CABIN1: variants seen among roughly 807,000 people sequenced by gnomAD.
CABIN1 encodes the protein calcineurin binding protein 1, also known as calcineurin-binding protein cabin-1.
In CABIN1, 133 loss-of-function variants were observed where a neutral mutation model predicts 227.7. The observed-to-expected ratio is 0.58, with a 90% CI of 0.51 to 0.67. The LOEUF (loss-of-function observed/expected upper bound fraction) is 0.67, where lower values mean the gene tolerates loss of function less well. Ranked by LOEUF, CABIN1 falls within the 30% of genes least tolerant of loss-of-function variation. The pLI is 0.00. For synonymous variants in CABIN1, 1,086 were observed against 1,155.1 expected, an observed-to-expected ratio of 0.94 and a Z score of 1.21; for missense variants, 2,408 against 2,852.5, an observed-to-expected ratio of 0.84 and a Z score of 3.55.
chr22:24,065,152 C>G (rs1227892000), intron 15 of CABIN1, among the ~76,000 whole-genome samples: 30 of 151,076 alleles, frequency 2.0e-4, no homozygotes, highest in South Asian at 1.3e-3. Flanking sequence ...GGGCTGACCC[C>G]CCACCTCCCT....
chr22:24,164,601 T>A, intron 30 of CABIN1, 38 bp downstream of exon 30: 1 of 1,596,444 alleles, frequency 6.3e-7, no homozygotes, highest in East Asian at 2.2e-5. Flanking sequence ...TGGCATGCTG[T>A]GTGGGTCAGG....
At chr22:24,068,772 T>C (rs2039876053) in intron 16 of CABIN1, among the ~76,000 whole-genome samples, 1 of 152,256 alleles carries the variant, frequency 6.6e-6, no homozygotes, top group Admixed American at 6.5e-5. Context: ...TCACATCTTT[T>C]GATGTTTTCA....
chr22:24,119,407 G>A lies in CABIN1; in HGVS notation c.4341G>A (p.Arg1447=). 6.2e-7 allele frequency: 1 copy of A among 1,614,034 alleles called. No individual in the cohort carries two copies. Among genetic ancestry groups the A allele is most frequent in the Non-Finnish European group, 8.5e-7 (1 of 1,180,034 alleles). The change falls in exon 28 of 37, where the codon CGG becomes CGA. Residue 1447 remains arginine (R), a synonymous_variant. Transcript: ENST00000263119. Reference sequence around the variant, plus strand: ...CATTGGAGAGTACAGAAGGCTTCCGGGCTGCAGAGCAAGGTGTCCAGAAGC... The same window carrying A: ...CATTGGAGAGTACAGAAGGCTTCCGAGCTGCAGAGCAAGGTGTCCAGAAGC... The part of the protein sequence containing the change: ...EESLESTEGF[R]AAEQGVQKPA...
At chr22:24,062,866 T>G in intron 13 of CABIN1, 93 bp from the exon 14 acceptor site, 2 of 1,184,878 alleles carry the variant, frequency 1.7e-6, no homozygotes, top group Non-Finnish European at 2.5e-6. Flanking sequence ...GGAGATAGGG[T>G]GGGTGTGGTT....
At chr22:24,014,858 C>T (rs922426712) in intron 1 of CABIN1, among the ~76,000 whole-genome samples, 3 of 152,160 alleles carry the variant, frequency 2.0e-5, no homozygotes, top group African/African-American at 2.4e-5. Context: ...TGGATTATCT[C>T]GTGTTTCTTT....
At chr22:24,028,334 A>C (rs2036246285) in intron 1 of CABIN1, among the ~76,000 whole-genome samples, 1 of 152,184 alleles carries the variant, frequency 6.6e-6, no homozygotes, top group Non-Finnish European at 1.5e-5. Context: ...TGTCAAAAAA[A>C]CGGGGACTGT....
intron 19 of CABIN1, among the ~76,000 whole-genome samples, chr22:24,080,904 T>C (rs1485611205): frequency 6.6e-6 from 1 of 152,146 alleles, no homozygotes; most frequent in Non-Finnish European, 1.5e-5. Context: ...TTTCAATCCT[T>C]ATAGTTTTTT....
intron 23 of CABIN1, 59 bp from the exon 24 acceptor site, chr22:24,091,524 G>A: frequency 1.2e-6 from 2 of 1,611,178 alleles, no homozygotes; most frequent in Non-Finnish European, 1.7e-6. Context: ...ACAGGAAAAA[G>A]TCTGATCCCT....
chr22:24,056,430 T>C, intron 10 of CABIN1, 70 bp downstream of exon 10: 1 of 1,471,116 alleles, frequency 6.8e-7, no homozygotes, highest in Non-Finnish European at 9.5e-7. Flanking sequence ...CAGTAACATT[T>C]CTCATTCCAT....
rs1257540474 is a variant in CABIN1 at position 24,145,208 on chromosome 22, AG to A, written c.4746+10798del. Among the ~76,000 whole-genome samples the A allele has an allele frequency of 3.9e-5, 6 of 152,122 alleles. No homozygotes were observed. The East Asian group carries it at 1.2e-3, about 29-fold the overall frequency. Reference sequence around the variant, plus strand: ...GCAGTTTGGTCTTTCTCACAAAGAAAGGGGGACTGAATTGAGGAGCGTCTTC... The same window carrying A: ...GCAGTTTGGTCTTTCTCACAAAGAAAGGGGACTGAATTGAGGAGCGTCTTC... On this transcript the variant is annotated intron_variant, in intron 29 of 36. Transcript: ENST00000263119.
intron 33 of CABIN1, among the ~76,000 whole-genome samples, chr22:24,171,308 C>T (rs1347886998): frequency 6.6e-6 from 1 of 152,196 alleles, no homozygotes; most frequent in African/African-American, 2.4e-5. Flanking sequence ...TGGGAAGTCA[C>T]CCTCCAAGAC....
chr22:24,144,821 A>G (rs1474861011), intron 29 of CABIN1, among the ~76,000 whole-genome samples: 4 of 152,224 alleles, frequency 2.6e-5, no homozygotes, highest in Non-Finnish European at 5.9e-5. Context: ...GTGACTGCAC[A>G]GCCCAGCCTT....
At chr22:24,052,978 G>A (rs977743658) in intron 8 of CABIN1, among the ~76,000 whole-genome samples, 1 of 151,820 alleles carries the variant, frequency 6.6e-6, no homozygotes, top group Non-Finnish European at 1.5e-5. Flanking sequence ...CTAACTGAAG[G>A]CAGGAAAAAG....
rs1353563065 is a variant in CABIN1 at position 24,059,256 on chromosome 22, A to C, written c.1292A>C (p.Asp431Ala). 9.3e-6 allele frequency: 15 copies of C among 1,614,246 alleles called. No individual in the cohort carries two copies. Among genetic ancestry groups the C allele is most frequent in the Non-Finnish European group, 1.2e-5 (14 of 1,180,040 alleles). The part of the protein sequence containing the change: ...RLRKLDPEEE[D>A]DSFNNYEVQS... ...AGAAAGCTGGACCCTGAGGAGGAAG[A>C]TGATTCCTTTAATAACTATGAAGTC... Residue 431 changes from aspartate to alanine, a missense_variant, in exon 11 of 37, where the codon GAT becomes GCT. Physicochemically the swap from Asp to Ala is moderately radical, Grantham distance 126. Transcript: ENST00000263119.
intron 2 of CABIN1, among the ~76,000 whole-genome samples, chr22:24,035,865 A>G (rs1403982104): frequency 6.6e-6 from 1 of 151,110 alleles, no homozygotes; most frequent in Non-Finnish European, 1.5e-5. Flanking sequence ...CTTTCTGCAC[A>G]GATTGGCATA....
rs1569143204 is a variant in CABIN1 at position 24,059,366 on chromosome 22, A to G, written c.1399+3A>G. 1 of 1,614,148 alleles carries G rather than the reference A, an allele frequency of 6.2e-7. No individual in the cohort carries two copies. Among genetic ancestry groups the G allele is most frequent in the Admixed American group, 1.7e-5 (1 of 60,024 alleles). On this transcript the variant is annotated splice_donor_region_variant and intron_variant, in intron 11 of 36. Transcript: ENST00000263119. The stretch of plus-strand genomic sequence containing the variant: ...CTCAGCCACATTCATGGAATCTGGT[A>G]GGAATCGAGCAGTGTGACCATTCAC...
intron 22 of CABIN1, 133 bp downstream of exon 22, chr22:24,085,284 G>C: frequency 1.0e-6 from 1 of 969,860 alleles, no homozygotes; most frequent in South Asian, 1.4e-5. Flanking sequence ...CGGAATGAGA[G>C]GGTGGTTTAG....
At chr22:24,012,619 G>A (rs73399655) in intron 1 of CABIN1, among the ~76,000 whole-genome samples, 3,037 of 152,198 alleles carry the variant, frequency 0.02, 121 homozygotes, top group African/African-American at 0.068. Flanking sequence ...CTGAGGCCAT[G>A]GAAACTATAT....
At chr22:24,052,636 A>G (rs2038428997) in intron 8 of CABIN1, among the ~76,000 whole-genome samples, 1 of 151,762 alleles carries the variant, frequency 6.6e-6, no homozygotes, top group Admixed American at 6.6e-5. Context: ...CAAAAAATAA[A>G]CAAAATTAGC....
Sources: allele counts gnomAD v4.1 joint callset (sites outside exome capture counted in the v4.1 genomes callset), GRCh38; gene constraint gnomAD v4.1.1; transcripts MANE v1.5; gene names NCBI Gene and HGNC (gene_info 2026-07-23, HGNC 2026-07-21).